The following DGAT1 variants were observed in gnomAD, a reference collection of about 807,000 sequenced individuals.
DGAT1 encodes ACAT related gene product 1.
Under a neutral mutation model 72.6 loss-of-function variants are expected in DGAT1, and 60 were observed. The observed-to-expected ratio is 0.83, with a 90% CI of 0.67 to 1.02. DGAT1 has a LOEUF of 1.02. DGAT1 is among the 50% of genes least tolerant of loss of function. DGAT1 has a pLI of 0.00. For synonymous variants in DGAT1, 290 were observed against 267.5 expected, an observed-to-expected ratio of 1.08 and a Z score of -0.82; for missense variants, 592 against 670.0, an observed-to-expected ratio of 0.88 and a Z score of 1.29.
chr8:144,318,536 GCA>G lies in DGAT1; in HGVS notation c.497_498del (p.Leu166ProfsTer21). 6.2e-7 allele frequency: 1 copy of G among 1,611,956 alleles called. No homozygotes were observed. Among genetic ancestry groups the G allele is most frequent in the Non-Finnish European group, 8.5e-7 (1 of 1,179,910 alleles). On this transcript the variant is annotated frameshift_variant, in exon 6 of 17. Coordinates refer to ENST00000528718, the MANE Select transcript of DGAT1 (RefSeq NM_012079.6). LOFTEE classifies it high-confidence loss of function. ...VGALTEQAGL[L>X]LHVANLATIL... ...ATGGTGGCCAGGTTGGCCACGTGCA[GCA>G]GCAGTCCCGCCTGCTCCGTCAGGGC...
chr8:144,319,138 C>T, intron 2 of DGAT1, 70 bp from the exon 3 acceptor site: 1 of 1,523,528 alleles, frequency 6.6e-7, no homozygotes, highest in Non-Finnish European at 8.9e-7. Flanking sequence ...CAGATCCTCC[C>T]AACACCTCTG....
rs782470393 is a variant in DGAT1, at chr8:144,321,420, C to T, written c.201-12G>A. 1 of 1,613,350 alleles carries T rather than the reference C, an allele frequency of 6.2e-7. No homozygotes were observed. Among genetic ancestry groups the T allele is most frequent in the Non-Finnish European group, 8.5e-7 (1 of 1,179,578 alleles). ...GCAGGCGATGGCACCTGACAGAGCA[C>T]AACACAAGCACCCCCTGAGTGGGCA... On this transcript the variant is annotated splice_polypyrimidine_tract_variant and intron_variant, in intron 1 of 16. Transcript: ENST00000528718.
intron 2 of DGAT1, 60 bp from the exon 3 acceptor site, chr8:144,319,128 C>T (rs1487056346): frequency 1.8e-5 from 27 of 1,540,264 alleles, no homozygotes; most frequent in Non-Finnish European, 2.4e-5. Context: ...GTACTCACCC[C>T]AGATCCTCCC....
intron 2 of DGAT1, 59 bp from the exon 3 acceptor site, chr8:144,319,127 C>T: frequency 6.5e-7 from 1 of 1,540,288 alleles, no homozygotes; most frequent in Non-Finnish European, 8.8e-7. Flanking sequence ...GGTACTCACC[C>T]CAGATCCTCC....
At chr8:144,323,309 G>A (rs926728057) in intron 1 of DGAT1, among the ~76,000 whole-genome samples, 1 of 152,096 alleles carries the variant, frequency 6.6e-6, no homozygotes, top group African/African-American at 2.4e-5. Context: ...AGCTTTCTCA[G>A]GGGCCCCTTG....
chr8:144,319,663 C>T (rs1013168973), intron 2 of DGAT1, among the ~76,000 whole-genome samples: 11 of 152,164 alleles, frequency 7.2e-5, no homozygotes, highest in South Asian at 4.1e-4. Context: ...TGCTTCCTGC[C>T]GCCCTCTAAG....
Position 144,317,169 on chromosome 8 carries a change from C to T in DGAT1, c.1160+18G>A. On this transcript the variant is annotated intron_variant, in intron 14 of 16. Transcript: ENST00000528718. Reference sequence around the variant, plus strand: ...TCACAGCCATGTTCCACATCACACACACACACACCCCACCTACCTGATGCA... The same window carrying T: ...TCACAGCCATGTTCCACATCACACATACACACACCCCACCTACCTGATGCA... The T allele has an allele frequency of 1.2e-6, 2 of 1,608,620 alleles. No homozygotes were observed. The highest frequency in any genetic ancestry group is 1.7e-6 in the Non-Finnish European group (2 of 1,175,822).
chr8:144,318,711 C>T lies in DGAT1; in HGVS notation c.456G>A (p.Lys152=). 1.2e-6 allele frequency: 2 copies of T among 1,608,684 alleles called. No individual in the cohort carries two copies. The highest frequency in any genetic ancestry group is 8.5e-7 in the Non-Finnish European group (1 of 1,178,026). The change falls in exon 5 of 17, where the codon AAG becomes AAA. Residue 152 remains lysine (K), a synonymous_variant. Transcript: ENST00000528718. ...VFAVAAFQVE[K]RLAVGALTEQ... Reference sequence around the variant, plus strand: ...GGGCACTGCTTACCACCGCCAGGCGCTTCTCAACCTGGAATGCAGCCACAG... The same window carrying T: ...GGGCACTGCTTACCACCGCCAGGCGTTTCTCAACCTGGAATGCAGCCACAG...
In DGAT1 at chr8:144,318,877, G is replaced by C; in HGVS notation, c.373C>G (p.Leu125Val). 1 of 1,612,278 alleles carries C rather than the reference G, an allele frequency of 6.2e-7. No homozygotes were observed. Among genetic ancestry groups the C allele is most frequent in the Non-Finnish European group, 8.5e-7 (1 of 1,179,158 alleles). The stretch of plus-strand genomic sequence containing the variant: ...GCGGGCCAGCTATAGGGATCCTTCA[G>C]GAACAGAGAAACCACCTGGATGGGG... The part of the protein sequence containing the change: ...VDPIQVVSLF[L>V]KDPYSWPAPC... The change falls in exon 4 of 17, where the codon CTG becomes GTG. Residue 125 changes from leucine (L) to valine (V), a missense_variant. Physicochemically the swap from Leu to Val is conservative, Grantham distance 32. Transcript: ENST00000528718.
In DGAT1 at chr8:144,316,330, C is replaced by T; in HGVS notation, c.*224G>A. 1.7e-6 allele frequency: 1 copy of T among 603,644 alleles called. No individual in the cohort carries two copies. Among genetic ancestry groups the T allele is most frequent in the East Asian group, 2.9e-5 (1 of 34,548 alleles). 37.4% of individuals were successfully genotyped at this position (603,644 alleles called of 1,614,324 possible). A position where few individuals can be genotyped will look rare whatever the true frequency, so the allele number is the denominator to read the frequency against. ...TTTATTGACACCCTCGGACCCGGGG[C>T]AGGGTCAGCAAGACTCCCAGCTGGC... On this transcript the variant is annotated 3_prime_UTR_variant, in exon 17 of 17. Coordinates refer to ENST00000528718, the MANE Select transcript of DGAT1 (RefSeq NM_012079.6).
Position 144,315,637 on chromosome 8 carries a change from TG to T in DGAT1, c.*916del. On this transcript the variant is annotated 3_prime_UTR_variant, in exon 17 of 17. Transcript: ENST00000528718. ...ATCCAGCTTGGTGGATTGCAGGGCC[TG>T]GGAACAAGGTGTCCTGAAGGCTGCA... 1.0e-6 allele frequency: 1 copy of T among 984,332 alleles called. No homozygotes were observed. Among genetic ancestry groups the T allele is most frequent in the South Asian group, 4.7e-5 (1 of 21,266 alleles). The allele number at this position is 984,332 out of a possible 1,614,324, so 61.0% of individuals were successfully genotyped here.
chr8:144,316,385 TCCCTGAGGGGTGCAGGACAGAGC>T lies in DGAT1; in HGVS notation c.*146_*168del. On this transcript the variant is annotated 3_prime_UTR_variant, in exon 17 of 17. Transcript: ENST00000528718. ...GACTGTGTCTGGCCTGCTGTCGCCA[TCCCTGAGGGGTGCAGGACAGAGC>T]CCCATAGGGGCAGAGAGGCCTCCCT... 1.2e-6 allele frequency: 1 copy of T among 856,348 alleles called. No individual in the cohort carries two copies. The highest frequency in any genetic ancestry group is 1.7e-6 in the Non-Finnish European group (1 of 573,798). The allele number at this position is 856,348 out of a possible 1,614,324, so 53.0% of individuals were successfully genotyped here.
chr8:144,319,708 A>T (rs1554847899), intron 2 of DGAT1, among the ~76,000 whole-genome samples: 1 of 152,086 alleles, frequency 6.6e-6, no homozygotes, highest in African/African-American at 2.4e-5. Context: ...ACTTCCCAGG[A>T]CTGAGCCCCC....
chr8:144,326,767 G>T lies in DGAT1; in HGVS notation c.-131C>A. The T allele has an allele frequency of 1.3e-6, 1 of 771,276 alleles. No homozygotes were observed. The highest frequency in any genetic ancestry group is 1.6e-6 in the Non-Finnish European group (1 of 609,560). 47.8% of individuals were successfully genotyped at this position (771,276 alleles called of 1,614,324 possible). On this transcript the variant is annotated 5_prime_UTR_variant, in exon 1 of 17. Transcript: ENST00000528718. ...CCCTGCCGGCCGCCGTAGCCCGGGT[G>T]ACCGCCTCACCAGCGCGTTCAACCC...
chr8:144,323,235 A>G (rs560433290), intron 1 of DGAT1, among the ~76,000 whole-genome samples: 11 of 152,278 alleles, frequency 7.2e-5, no homozygotes, highest in African/African-American at 2.4e-4. Context: ...CCCATCTCCA[A>G]GATGAAAACA....
chr8:144,319,693 A>G (rs533424918), intron 2 of DGAT1, among the ~76,000 whole-genome samples: 1 of 152,198 alleles, frequency 6.6e-6, no homozygotes. Flanking sequence ...CTTGGCTCCA[A>G]AGCAACTTCC....
rs374729844 is a variant in DGAT1, at chr8:144,317,354, C to T, written c.1073G>A (p.Arg358Gln). The T allele has an allele frequency of 3.5e-5, 57 of 1,613,584 alleles. No individual in the cohort carries two copies. The highest frequency in any genetic ancestry group is 5.3e-5 in the African/African-American group (4 of 74,848). ...TCACCACCAGTCCCGGTAGAACTCCCGGTCTCCAAACTGCATGAGCTCAGC... is the reference window on the plus strand; with the variant it reads ...TCACCACCAGTCCCGGTAGAACTCCTGGTCTCCAAACTGCATGAGCTCAGC... ...AVAELMQFGDREFYRDWWNSE... is the reference protein window; with the variant it reads ...AVAELMQFGDQEFYRDWWNSE... Residue 358 changes from arginine (R) to glutamine (Q), a missense_variant, in exon 13 of 17, where the codon CGG becomes CAG. Coordinates refer to ENST00000528718, the MANE Select transcript of DGAT1 (RefSeq NM_012079.6).
chr8:144,326,622 G>A lies in DGAT1; in HGVS notation c.15C>T (p.Gly5=), dbSNP rs1554848829. 1 of 1,199,992 alleles carries A rather than the reference G, an allele frequency of 8.3e-7. No homozygotes were observed. The highest frequency in any genetic ancestry group is 1.6e-5 in the African/African-American group (1 of 62,580). 74.3% of individuals were successfully genotyped at this position (1,199,992 alleles called of 1,614,324 possible). ...ACCCTGTCCTCCGGCGCCGGGAGCT[G>A]CCGCGGTCGCCCATGGCCTCAGCCC... The part of the protein sequence containing the change: MGDR[G]SSRRRRTGSR... The change falls in exon 1 of 17, where the codon GGC becomes GGT. Residue 5 remains glycine, a synonymous_variant. Transcript: ENST00000528718.
chr8:144,314,916 G>T lies in DGAT1; in HGVS notation c.*1638C>A. On this transcript the variant is annotated 3_prime_UTR_variant, in exon 17 of 17. Coordinates refer to ENST00000528718, the MANE Select transcript of DGAT1 (RefSeq NM_012079.6). ...GTTCTTTATTGAGGGACCAGGGGTG[G>T]GCGCCTCACCTTGGCCCTGGGGGTC... The T allele has an allele frequency of 7.1e-6, 7 of 986,480 alleles. No individual in the cohort carries two copies. Among genetic ancestry groups the T allele is most frequent in the Non-Finnish European group, 8.4e-6 (7 of 830,664 alleles). 61.1% of individuals were successfully genotyped at this position (986,480 alleles called of 1,614,324 possible).
Sources: gnomAD v4.1 joint callset for allele counts (sites outside exome capture counted in the v4.1 genomes callset) on GRCh38, gnomAD v4.1.1 for gene constraint, MANE v1.5 for transcripts, NCBI Gene and HGNC (gene_info 2026-07-23, HGNC 2026-07-21) for gene names.